Variants in ZNHIT1 observed in about 807,000 individuals in gnomAD.
The protein encoded by ZNHIT1 is zinc finger HIT-type containing 1, also known as zinc finger HIT domain-containing protein 1.
A neutral mutation model predicts 21.4 loss-of-function variants in ZNHIT1; 20 were observed. The ratio of observed to expected loss-of-function variants is 0.93; its 90% confidence interval spans 0.66 to 1.36. The LOEUF is 1.36. Among genes scored for constraint, ZNHIT1 ranks in the 40% most tolerant of loss-of-function variants. The pLI, the probability that ZNHIT1 is intolerant of heterozygous loss-of-function variation, is 0.00. For missense variants in ZNHIT1, 170 were observed against 213.5 expected (o/e 0.80, Z 1.27); for synonymous variants, 79 against 84.0 (o/e 0.94, Z 0.32).
intron 1 of ZNHIT1, chr7:101,219,817 C>T (rs930084777): frequency 6.6e-6 from 1 of 152,216 alleles, no homozygotes; most frequent in Non-Finnish European, 1.5e-5. Flanking sequence ...CTCCCCTAGC[C>T]AGGTCATTCA....
At chr7:101,222,581 T>G in intron 1 of ZNHIT1, 23 bp from the exon 2 acceptor site, 1 of 1,597,782 alleles carries the variant, frequency 6.3e-7, no homozygotes, top group Non-Finnish European at 8.5e-7. Flanking sequence ...GCCCTGTAAC[T>G]TTGCGTGCCC....
rs757463641 is a variant in ZNHIT1, at chr7:101,222,719, G to T, written c.138G>T (p.Ala46=). 2 of 1,614,186 alleles carry T rather than the reference G, an allele frequency of 1.2e-6. No individual in the cohort carries two copies. The highest frequency in any genetic ancestry group is 1.7e-6 in the Non-Finnish European group (2 of 1,180,018). Residue 46 remains alanine (A), a synonymous_variant, in exon 2 of 5, where the codon GCG becomes GCT. Coordinates refer to ENST00000305105, the MANE Select transcript of ZNHIT1 (RefSeq NM_006349.3). ...ACAACTTCCAGGATGACCCCCACGC[G>T]GGACTCCCTCAGCTCGGCAAGAGAC... The part of the protein sequence containing the change: ...ENDNFQDDPH[A]GLPQLGKRLP...
At chr7:101,218,590 T>A in intron 1 of ZNHIT1, 1 of 247,412 alleles carries the variant, frequency 4.0e-6, no homozygotes, top group East Asian at 8.1e-5. Flanking sequence ...CTATTCCTCG[T>A]AAATCCCTTC....
At chr7:101,218,555 C>A (rs1798322752) in intron 1 of ZNHIT1, 4 of 316,994 alleles carry the variant, frequency 1.3e-5, no homozygotes, top group Admixed American at 4.7e-5. Flanking sequence ...GGATTACAGG[C>A]GTGAGCTGCC....
chr7:101,219,461 C>G (rs950651036), intron 1 of ZNHIT1: 4 of 148,282 alleles, frequency 2.7e-5, no homozygotes, highest in African/African-American at 5.0e-5. Flanking sequence ...GAGTCTTGCT[C>G]TGTCCCCCAG....
chr7:101,222,766 C>A lies in ZNHIT1; in HGVS notation c.185C>A (p.Ala62Glu), dbSNP rs372877953. 1 of 1,613,590 alleles carries A rather than the reference C, an allele frequency of 6.2e-7. No individual in the cohort carries two copies. The highest frequency in any genetic ancestry group is 8.5e-7 in the Non-Finnish European group (1 of 1,179,642). The stretch of plus-strand genomic sequence containing the variant: ...AGACTGCCTCAGTTTGATGACGATG[C>A]GGACACTGGTGAGGCGGATGGAGGA... ...GKRLPQFDDD[A>E]DTGKKKKKTR... The change falls in exon 2 of 5, where the codon GCG (alanine) becomes GAG (glutamate). Residue 62 changes from alanine to glutamate, a missense_variant. Physicochemically the swap from Ala to Glu is moderately radical, Grantham distance 107 (BLOSUM62 -1). Coordinates refer to ENST00000305105, the MANE Select transcript of ZNHIT1 (RefSeq NM_006349.3).
At chr7:101,222,944 T>C (rs1011103722) in intron 2 of ZNHIT1, among the ~76,000 whole-genome samples, 170 bp downstream of exon 2, 1 of 152,178 alleles carries the variant, frequency 6.6e-6, no homozygotes, top group Non-Finnish European at 1.5e-5. Flanking sequence ...TCCTCTCGTG[T>C]ATGTGAAATA....
rs746838120 is a variant in ZNHIT1 at position 101,222,760 on chromosome 7, A to T, written c.179A>T (p.Asp60Val). ...GGCAAGAGACTGCCTCAGTTTGATG[A>T]CGATGCGGACACTGGTGAGGCGGAT... ...QLGKRLPQFD[D>V]DADTGKKKKK... Residue 60 changes from aspartate (D) to valine (V), a missense_variant, in exon 2 of 5, where the codon GAC (aspartate) becomes GTC (valine). Asp to Val is a radical substitution (Grantham distance 152). Transcript: ENST00000305105. 1 of 1,613,902 alleles carries T rather than the reference A, an allele frequency of 6.2e-7. No homozygotes were observed. The highest frequency in any genetic ancestry group is 1.7e-5 in the Admixed American group (1 of 59,990).
chr7:101,219,447 G>T (rs1264528887), intron 1 of ZNHIT1: 1 of 146,770 alleles, frequency 6.8e-6, no homozygotes, highest in Non-Finnish European at 1.5e-5. Context: ...TTCTTTTTGA[G>T]ACGGAGTCTT....
Position 101,222,672 on chromosome 7 carries a change from C to T in ZNHIT1, c.91C>T (p.Gln31Ter), listed in dbSNP as rs905671401. The change falls in exon 2 of 5, where the codon CAG becomes TAG. Residue 31 changes from glutamine (Q) to a stop codon, truncating the protein, a stop_gained. Coordinates refer to ENST00000305105, the MANE Select transcript of ZNHIT1 (RefSeq NM_006349.3). LOFTEE classifies it high-confidence loss of function. ...RAARQRRINR[Q>*]LEALENDNFQ... ...TGCCCGGCAGCGTCGCATCAACCGG[C>T]AGCTGGAGGCCCTGGAGAATGACAA... 1 of 1,614,172 alleles carries T rather than the reference C, an allele frequency of 6.2e-7. No homozygotes were observed. The highest frequency in any genetic ancestry group is 8.5e-7 in the Non-Finnish European group (1 of 1,180,006).
At chr7:101,220,737 A>C (rs1380490337) in intron 1 of ZNHIT1, 1 of 152,134 alleles carries the variant, frequency 6.6e-6, no homozygotes, top group African/African-American at 2.4e-5. Flanking sequence ...CTGATAAGGC[A>C]ATGAGGAAAG....
intron 2 of ZNHIT1, 133 bp downstream of exon 2, chr7:101,222,907 A>G (rs1311398511): frequency 8.7e-6 from 10 of 1,149,772 alleles, no homozygotes; most frequent in Non-Finnish European, 1.1e-5. Flanking sequence ...GCTGTGAGCA[A>G]CCACACCCCC....
At chr7:101,218,466 GCT>G in intron 1 of ZNHIT1, 1 of 517,564 alleles carries the variant, frequency 1.9e-6, no homozygotes, top group Non-Finnish European at 3.4e-6. Context: ...GTGGTGACGG[GCT>G]CTCGCTATGT....
Position 101,223,815 on chromosome 7 carries a change from G to A in ZNHIT1, c.416G>A (p.Arg139His), listed in dbSNP as rs200068858. 111 of 1,614,110 alleles carry A rather than the reference G, an allele frequency of 6.9e-5. 1 individual carries two copies. Among genetic ancestry groups the A allele is most frequent in the South Asian group, 6.6e-4 (60 of 91,084 alleles). ...TGCGGTGCCCGGTACTGCACTGTGC[G>A]CTGTCTGGGGACCCACCAGGAGACC... ...VSCGARYCTV[R>H]CLGTHQETRC... The change falls in exon 4 of 5, where the codon CGC becomes CAC. Residue 139 changes from arginine (R) to histidine (H), a missense_variant. By Grantham distance (29) the Arg-to-His change is conservative (BLOSUM62 0). Coordinates refer to ENST00000305105, the MANE Select transcript of ZNHIT1 (RefSeq NM_006349.3).
At chr7:101,222,354 T>C in intron 1 of ZNHIT1, 1 of 483,770 alleles carries the variant, frequency 2.1e-6, no homozygotes, top group South Asian at 3.7e-5. Flanking sequence ...GCTCACTGGC[T>C]GGGACTGGGA....
Position 101,218,193 on chromosome 7 carries a change from C to A in ZNHIT1, c.-3C>A. The A allele has an allele frequency of 6.2e-7, 1 of 1,613,182 alleles. No homozygotes were observed. The highest frequency in any genetic ancestry group is 2.2e-5 in the East Asian group (1 of 44,874). On this transcript the variant is annotated 5_prime_UTR_variant, in exon 1 of 5. Transcript: ENST00000305105. ...AGTTTCTTCCGACAGTTGTGTTGTG[C>A]CAATGGTGGAGAAGAAAACTTCGGG... is the stretch of plus-strand genomic sequence containing the variant.
rs117369779 is a variant in ZNHIT1, at chr7:101,222,518, G to A, written c.23-86G>A. On this transcript the variant is annotated intron_variant, in intron 1 of 4. Coordinates refer to ENST00000305105, the MANE Select transcript of ZNHIT1 (RefSeq NM_006349.3). ...ATCAGAGAGCTGCAGCTTCCACCCC[G>A]GGTGCCTTCCTCGCCCTGCCCAGAG... is the stretch of plus-strand genomic sequence containing the variant. The A allele has an allele frequency of 2.7e-4, 390 of 1,469,918 alleles. 4 individuals are homozygous for A. In the East Asian group the frequency reaches 7.8e-3, roughly 29 times the overall value. The allele number at this position is 1,469,918 out of a possible 1,614,324, so 91.1% of individuals were successfully genotyped here. A position where few individuals can be genotyped will look rare whatever the true frequency, so the allele number is the denominator to read the frequency against.
chr7:101,223,792 C>T lies in ZNHIT1; in HGVS notation c.393C>T (p.Cys131=), dbSNP rs1368367364. The part of the protein sequence containing the change: ...GFPSPYTCVS[C]GARYCTVRCL... ...CATCCCCCTACACCTGTGTCAGCTG[C>T]GGTGCCCGGTACTGCACTGTGCGCT... is the stretch of plus-strand genomic sequence containing the variant. The change falls in exon 4 of 5, where the codon TGC becomes TGT. Residue 131 remains cysteine, a synonymous_variant. Coordinates refer to ENST00000305105, the MANE Select transcript of ZNHIT1 (RefSeq NM_006349.3). 1.2e-5 allele frequency: 19 copies of T among 1,614,060 alleles called. No individual in the cohort carries two copies. The highest frequency in any genetic ancestry group is 2.2e-5 in the East Asian group (1 of 44,888).
chr7:101,223,767 C>T lies in ZNHIT1; in HGVS notation c.368C>T (p.Pro123Leu), dbSNP rs966234610. 6.2e-7 allele frequency: 1 copy of T among 1,614,176 alleles called. No individual in the cohort carries two copies. The highest frequency in any genetic ancestry group is 1.1e-5 in the South Asian group (1 of 91,090). ...CCCTTCTGTGCTGTCTGTGGCTTCC[C>T]ATCCCCCTACACCTGTGTCAGCTGC... ...QRPFCAVCGFPSPYTCVSCGA... is the reference protein window; with the variant it reads ...QRPFCAVCGFLSPYTCVSCGA... Residue 123 changes from proline (P) to leucine (L), a missense_variant, in exon 4 of 5, where the codon CCA becomes CTA. Physicochemically the swap from Pro to Leu is moderately conservative, Grantham distance 98 (BLOSUM62 -3). Coordinates refer to ENST00000305105, the MANE Select transcript of ZNHIT1 (RefSeq NM_006349.3).
Sources: allele counts gnomAD v4.1 joint callset (sites outside exome capture counted in the v4.1 genomes callset), GRCh38; gene constraint gnomAD v4.1.1; transcripts MANE v1.5; gene names NCBI Gene and HGNC (gene_info 2026-07-23, HGNC 2026-07-21).